Variants in ELF1 observed in about 807,000 individuals in gnomAD.
ELF1 encodes the protein E74 like ETS transcription factor 1, also known as ETS-related transcription factor Elf-1.
Under a neutral mutation model 59.9 loss-of-function variants are expected in ELF1, and 24 were observed. The ratio of observed to expected loss-of-function variants is 0.40; its 90% CI spans 0.29 to 0.56. The LOEUF is 0.56. Among genes scored for constraint, ELF1 ranks in the 20% least tolerant of loss-of-function variants. The pLI is 0.44. For synonymous variants in ELF1, 248 were observed against 266.2 expected, an observed-to-expected ratio of 0.93 and a Z score of 0.67; for missense variants, 627 against 742.2, an observed-to-expected ratio of 0.84 and a Z score of 1.80.
intron 1 of ELF1, among the ~76,000 whole-genome samples, chr13:41,026,144 A>AGC (rs1555280119): frequency 1.3e-5 from 2 of 152,186 alleles, no homozygotes; most frequent in Non-Finnish European, 2.9e-5. Flanking sequence ...GCTTAATGAT[A>AGC]ACACATAGCA....
At position 40,993,212 on chromosome 13, in the gene ELF1, G is replaced by A. The variant is rs1873955941; in HGVS notation, c.-228-10930C>T. ...CCCCTTTCTTCATTCCTAACAGTGA[G>A]GCAGGAGCAGCTGCAACAACAGCAC... On this transcript the variant is annotated intron_variant, in intron 1 of 8. Coordinates refer to ENST00000239882, the MANE Select transcript of ELF1 (RefSeq NM_172373.4). 2.6e-6 allele frequency: 4 copies of A among 1,547,538 alleles called. No individual in the cohort carries two copies. In the East Asian group the frequency reaches 6.7e-5, roughly 26 times the overall value.
intron 1 of ELF1, among the ~76,000 whole-genome samples, chr13:40,989,827 T>C (rs1456685203): frequency 1.3e-5 from 2 of 152,164 alleles, no homozygotes; most frequent in East Asian, 1.9e-4. Flanking sequence ...TAAAACTGAT[T>C]CTAGGAAGGG....
At chr13:41,043,854 T>C (rs1327660286) in intron 1 of ELF1, among the ~76,000 whole-genome samples, 1 of 152,240 alleles carries the variant, frequency 6.6e-6, no homozygotes. Flanking sequence ...GGTAGCTTGA[T>C]GGTGATGGCA....
At chr13:40,984,848 T>A (rs1395678526) in intron 1 of ELF1, among the ~76,000 whole-genome samples, 2 of 152,206 alleles carry the variant, frequency 1.3e-5, no homozygotes, top group Non-Finnish European at 2.9e-5. Flanking sequence ...TAAGTTTCAC[T>A]TTCTTTTCCA....
intron 5 of ELF1, among the ~76,000 whole-genome samples, chr13:40,947,681 A>G (rs144709660): frequency 3.3e-5 from 5 of 152,336 alleles, no homozygotes; most frequent in Admixed American, 6.5e-5. Context: ...AGAATTGCTC[A>G]GGTGGGTTAT....
Position 40,953,720 on chromosome 13 carries a change from C to T in ELF1, c.254-2284G>A, listed in dbSNP as rs76959793. Among the ~76,000 whole-genome samples the T allele has an allele frequency of 8.8e-3, 1,333 of 152,324 alleles. 11 individuals are homozygous for T. The highest frequency in any genetic ancestry group is 0.017 in the Middle Eastern group (5 of 294). Reference sequence around the variant, plus strand: ...AATGTCCTATCCTTATCTCTTTCTTCCCCTAGAGCTTCTCAAAGGCTCCCC... The same window carrying T: ...AATGTCCTATCCTTATCTCTTTCTTTCCCTAGAGCTTCTCAAAGGCTCCCC... On this transcript the variant is annotated intron_variant, in intron 3 of 8. Coordinates refer to ENST00000239882, the MANE Select transcript of ELF1 (RefSeq NM_172373.4).
chr13:40,996,875 C>G (rs1170167412), intron 1 of ELF1, among the ~76,000 whole-genome samples: 1 of 151,956 alleles, frequency 6.6e-6, no homozygotes, highest in African/African-American at 2.4e-5. Context: ...TTTATAGTTC[C>G]CCAACTTCCC....
chr13:41,015,315 T>C (rs544897599), intron 1 of ELF1, among the ~76,000 whole-genome samples: 3 of 151,998 alleles, frequency 2.0e-5, no homozygotes, highest in South Asian at 2.1e-4. Context: ...AGCCACATAG[T>C]TGAACAACAT....
At chr13:41,055,856 G>GT (rs908604317) in intron 1 of ELF1, among the ~76,000 whole-genome samples, 126 of 141,894 alleles carry the variant, frequency 8.9e-4, no homozygotes, top group Non-Finnish European at 1.1e-3. Context: ...GCTAATTTTT[G>GT]TTTTTTTTTT....
At chr13:41,023,763 A>G (rs905340516), upstream of ELF1, among the ~76,000 whole-genome samples, 8 of 152,310 alleles carry the variant, frequency 5.3e-5, no homozygotes, top group African/African-American at 1.9e-4. Flanking sequence ...GGGCTTATCA[A>G]AGGCAAAAGG....
At chr13:40,993,150 T>TC (rs1442421004) in intron 1 of ELF1, 4 of 1,532,292 alleles carry the variant, frequency 2.6e-6, no homozygotes, top group Non-Finnish European at 3.6e-6. Flanking sequence ...CTGGATACTC[T>TC]CCATTTTTGT....
chr13:40,978,935 A>T (rs771276389), intron 2 of ELF1, among the ~76,000 whole-genome samples: 7 of 152,014 alleles, frequency 4.6e-5, no homozygotes, highest in African/African-American at 7.3e-5. Flanking sequence ...ACATGAGTAT[A>T]TTGCTTGTTA....
At chr13:40,964,631 C>T (rs1389239845) in intron 2 of ELF1, among the ~76,000 whole-genome samples, 5 of 152,092 alleles carry the variant, frequency 3.3e-5, no homozygotes, top group African/African-American at 1.2e-4. Context: ...GCCTCCCGGG[C>T]TCAAGCGATC....
At chr13:41,002,297 TA>T (rs949146343) in intron 1 of ELF1, among the ~76,000 whole-genome samples, 1 of 151,888 alleles carries the variant, frequency 6.6e-6, no homozygotes, top group Non-Finnish European at 1.5e-5. Flanking sequence ...GAAGAAGAAA[TA>T]ATTCTTCCTA....
At chr13:40,940,709 C>T (rs1870101506) in intron 8 of ELF1, among the ~76,000 whole-genome samples, 1 of 152,080 alleles carries the variant, frequency 6.6e-6, no homozygotes, top group Non-Finnish European at 1.5e-5. Flanking sequence ...CAGAATAATG[C>T]CAGTAATGTC....
chr13:41,043,293 A>C (rs1209566565), intron 1 of ELF1, among the ~76,000 whole-genome samples: 1 of 152,168 alleles, frequency 6.6e-6, no homozygotes, highest in Non-Finnish European at 1.5e-5. Flanking sequence ...TGCTGTGAAG[A>C]AGCTCTTTAG....
chr13:40,998,687 C>A (rs1566184856), intron 1 of ELF1, among the ~76,000 whole-genome samples: 1 of 152,144 alleles, frequency 6.6e-6, no homozygotes, highest in East Asian at 1.9e-4. Flanking sequence ...AGACTTTCAT[C>A]TTTCATAATA....
At chr13:40,958,752 G>A (rs372031194) in intron 3 of ELF1, 84 bp downstream of exon 3, 74 of 1,457,966 alleles carry the variant, frequency 5.1e-5, no homozygotes, top group Middle Eastern at 2.1e-4. Flanking sequence ...AGTTAGGGGC[G>A]TTTTATGCCC....
exon 1 of ELF1, chr13:41,061,381 T>C: frequency 1.9e-6 from 1 of 538,040 alleles, no homozygotes. Context: ...CCCGTCGCGC[T>C]TTTACCCCTT....
Sources: allele counts gnomAD v4.1 joint callset (sites outside exome capture counted in the v4.1 genomes callset), GRCh38; gene constraint gnomAD v4.1.1; transcripts MANE v1.5; gene names NCBI Gene and HGNC (gene_info 2026-07-23, HGNC 2026-07-21).